The following PDE4D variants were observed in gnomAD, a reference collection of about 807,000 sequenced individuals.
PDE4D encodes 3',5'-cyclic-AMP phosphodiesterase 4D.
A neutral mutation model predicts 87.4 loss-of-function variants in PDE4D; 24 were observed. The observed-to-expected ratio is 0.27, with a 90% CI of 0.20 to 0.39. The LOEUF (loss-of-function observed/expected upper bound fraction) is 0.39, where lower values mean the gene tolerates loss of function less well. PDE4D is among the 10% of genes least tolerant of loss of function. The probability of loss-of-function intolerance (pLI) is 1.00; values close to 1 mark genes in which losing one functional copy is unlikely to be tolerated. For synonymous variants in PDE4D, 384 were observed against 383.2 expected, an observed-to-expected ratio of 1.00 and a Z score of -0.02; for missense variants, 714 against 1,041.0, an observed-to-expected ratio of 0.69 and a Z score of 4.32.
intron 2 of PDE4D, among the ~76,000 whole-genome samples, chr5:60,019,366 C>T (rs1246654424): frequency 6.6e-6 from 1 of 152,082 alleles, no homozygotes; most frequent in Admixed American, 6.5e-5. Context: ...CTGCATTAGC[C>T]CTAAGAGTAG....
chr5:59,630,375 T>G (rs1451017770), intron 1 of PDE4D, among the ~76,000 whole-genome samples: 2 of 152,204 alleles, frequency 1.3e-5, no homozygotes, highest in Admixed American at 1.3e-4. Flanking sequence ...GTCATTTTTC[T>G]ATGAGGACAA....
At chr5:60,063,161 A>AGAAG in intron 2 of PDE4D, among the ~76,000 whole-genome samples, 1 of 149,658 alleles carries the variant, frequency 6.7e-6, no homozygotes, top group Non-Finnish European at 1.5e-5. Context: ...AAAGAAGGAA[A>AGAAG]GAAAGAAAGA....
chr5:59,380,388 C>CAAAAAAAAA (rs10574102), intron 1 of PDE4D, among the ~76,000 whole-genome samples: 4 of 108,954 alleles, frequency 3.7e-5, no homozygotes, highest in Admixed American at 1.0e-4. Context: ...CAAAAGCAAT[C>CAAAAAAAAA]AAAAAAAAAA....
chr5:59,891,532 G>C (rs1383976141), intron 1 of PDE4D, among the ~76,000 whole-genome samples: 1 of 152,208 alleles, frequency 6.6e-6, no homozygotes, highest in Non-Finnish European at 1.5e-5. Flanking sequence ...GGTCTTAGCA[G>C]TCTTGGCTGA....
chr5:59,164,908 C>CTTGTATAGA (rs1157356448), intron 5 of PDE4D: 1 of 152,072 alleles, frequency 6.6e-6, no homozygotes, highest in Non-Finnish European at 1.5e-5. Context: ...GGCCACACGT[C>CTTGTATAGA]ACGGCGTCTT....
At chr5:59,170,345 G>A (rs990618501) in intron 5 of PDE4D, among the ~76,000 whole-genome samples, 1 of 152,118 alleles carries the variant, frequency 6.6e-6, no homozygotes, top group Non-Finnish European at 1.5e-5. Flanking sequence ...ATCATCTGAA[G>A]GATAATACAA....
At chr5:59,025,208 T>C (rs553092784) in intron 6 of PDE4D, among the ~76,000 whole-genome samples, 11 of 152,298 alleles carry the variant, frequency 7.2e-5, no homozygotes, top group African/African-American at 2.6e-4. Flanking sequence ...TATTAAAAAC[T>C]GTGATAACCC....
At chr5:60,042,700 A>G (rs1157482057) in intron 2 of PDE4D, among the ~76,000 whole-genome samples, 1 of 152,228 alleles carries the variant, frequency 6.6e-6, no homozygotes, top group Non-Finnish European at 1.5e-5. Context: ...CCTGCAGCAG[A>G]GAGGCCTGAC....
At chr5:59,798,561 AGAGGT>A (rs1312903820) in intron 1 of PDE4D, among the ~76,000 whole-genome samples, 1 of 152,140 alleles carries the variant, frequency 6.6e-6, no homozygotes, top group East Asian at 1.9e-4. Flanking sequence ...TTGAAGTAGG[AGAGGT>A]ACGGAAGGGT....
chr5:59,799,801 T>G (rs917746201), intron 1 of PDE4D, among the ~76,000 whole-genome samples: 1 of 152,234 alleles, frequency 6.6e-6, no homozygotes, highest in Non-Finnish European at 1.5e-5. Context: ...CTGTCTTATT[T>G]GGTTTAGATA....
chr5:59,495,849 C>A (rs1807088377), intron 1 of PDE4D, among the ~76,000 whole-genome samples: 2 of 152,154 alleles, frequency 1.3e-5, no homozygotes, highest in African/African-American at 4.8e-5. Flanking sequence ...GTCGATCCCA[C>A]GGCAGCATCT....
chr5:59,506,861 A>C (rs992667830), intron 1 of PDE4D, among the ~76,000 whole-genome samples: 5 of 152,212 alleles, frequency 3.3e-5, no homozygotes, highest in Admixed American at 2.6e-4. Context: ...TGAAGAAGCT[A>C]CTTGAGAAAA....
At chr5:59,255,108 A>G (rs1050334574) in intron 1 of PDE4D, among the ~76,000 whole-genome samples, 2 of 152,180 alleles carry the variant, frequency 1.3e-5, no homozygotes, top group African/African-American at 4.8e-5. Flanking sequence ...AATCTTTTGC[A>G]TAAATGTTCA....
chr5:60,189,667 T>C (rs1785053597), intron 1 of PDE4D, among the ~76,000 whole-genome samples: 1 of 152,252 alleles, frequency 6.6e-6, no homozygotes. Context: ...TTTATATATG[T>C]AAGAAGAATT....
At chr5:59,262,373 A>G (rs535988173) in intron 1 of PDE4D, among the ~76,000 whole-genome samples, 27 of 152,152 alleles carry the variant, frequency 1.8e-4, no homozygotes, top group Non-Finnish European at 3.5e-4. Context: ...AGGTAGCTAG[A>G]AAATGTTTCT....
At chr5:58,988,423 TA>T in intron 11 of PDE4D, 69 bp downstream of exon 11, 3 of 542,414 alleles carry the variant, frequency 5.5e-6, no homozygotes, top group Non-Finnish European at 9.3e-6. Flanking sequence ...ACTCTGAGTT[TA>T]TAAAGACCCT....
chr5:59,568,538 A>C (rs1821316301), intron 1 of PDE4D, among the ~76,000 whole-genome samples: 1 of 152,136 alleles, frequency 6.6e-6, no homozygotes, highest in Non-Finnish European at 1.5e-5. Context: ...ATAGTGGAAA[A>C]ACCTGACCAA....
intron 2 of PDE4D, among the ~76,000 whole-genome samples, chr5:60,143,603 T>TTTTGTGTGTGTGTGTG (rs1780730543): frequency 1.1e-4 from 13 of 117,752 alleles, no homozygotes; most frequent in African/African-American, 4.3e-4. Context: ...AGCTTGGGAA[T>TTTTGTGTGTGTGTGTG]TGTGTGTGTG....
At chr5:59,040,545 T>A (rs1471343932) in intron 5 of PDE4D, among the ~76,000 whole-genome samples, 3 of 152,202 alleles carry the variant, frequency 2.0e-5, no homozygotes, top group African/African-American at 7.2e-5. Flanking sequence ...AAAGACCATA[T>A]TCAAAGGCAT....
Sources: gnomAD v4.1 joint callset for allele counts (sites outside exome capture counted in the v4.1 genomes callset) on GRCh38, gnomAD v4.1.1 for gene constraint, MANE v1.5 for transcripts, NCBI Gene and HGNC (gene_info 2026-07-23, HGNC 2026-07-21) for gene names.